The following HPSE2 variants were observed in gnomAD, a reference collection of about 807,000 sequenced individuals.
HPSE2 encodes the protein heparanase 2 (inactive).
Under a neutral mutation model 60.5 loss-of-function variants are expected in HPSE2, and 38 were observed. That is an observed-to-expected ratio of 0.63 (90% confidence interval 0.48 to 0.82). The LOEUF (loss-of-function observed/expected upper bound fraction) is 0.82, where lower values mean the gene tolerates loss of function less well. Ranked by LOEUF, HPSE2 falls within the 40% of genes least tolerant of loss-of-function variation. HPSE2 has a pLI of 0.00. For synonymous variants in HPSE2, 295 were observed against 293.2 expected, an observed-to-expected ratio of 1.01 and a Z score of -0.06; for missense variants, 713 against 740.4, an observed-to-expected ratio of 0.96 and a Z score of 0.43.
chr10:98,697,663 C>G (rs368792085), intron 5 of HPSE2, among the ~76,000 whole-genome samples: 2 of 152,084 alleles, frequency 1.3e-5, no homozygotes, highest in South Asian at 4.1e-4. Flanking sequence ...GAGAACCGCA[C>G]TAAGATAATC....
At chr10:99,268,942 G>C in the HPSE2 span, among the ~76,000 whole-genome samples, 1 of 151,944 alleles carries the variant, frequency 6.6e-6, no homozygotes, top group Admixed American at 6.6e-5. Flanking sequence ...GATCACCTGA[G>C]GTCAGGAGTT....
intron 3 of HPSE2, among the ~76,000 whole-genome samples, chr10:99,105,280 T>C (rs1304600991): frequency 2.0e-5 from 3 of 152,172 alleles, no homozygotes; most frequent in Non-Finnish European, 4.4e-5. Context: ...GAGATTCTAG[T>C]GGATGTGCAC....
At chr10:98,548,514 G>C (rs1943762467) in intron 9 of HPSE2, among the ~76,000 whole-genome samples, 1 of 152,066 alleles carries the variant, frequency 6.6e-6, no homozygotes, top group African/African-American at 2.4e-5. Context: ...CTACTTGGGA[G>C]GCTGAGGCAG....
intron 9 of HPSE2, among the ~76,000 whole-genome samples, chr10:98,570,522 C>T (rs1046223412): frequency 6.0e-5 from 9 of 150,862 alleles, no homozygotes; most frequent in Non-Finnish European, 1.0e-4. Flanking sequence ...TGCCTATATG[C>T]TAGGCACTGA....
chr10:98,601,217 T>A (rs1589486704), intron 9 of HPSE2, among the ~76,000 whole-genome samples: 2 of 152,152 alleles, frequency 1.3e-5, no homozygotes, highest in East Asian at 3.9e-4. Flanking sequence ...TGGAGGGTAA[T>A]CTGCTTTACT....
intron 3 of HPSE2, among the ~76,000 whole-genome samples, chr10:98,843,576 T>C (rs1035770042): frequency 2.0e-5 from 3 of 152,190 alleles, no homozygotes; most frequent in Non-Finnish European, 2.9e-5. Context: ...ATAAAGACTA[T>C]GGAAAAATAA....
intron 2 of HPSE2, among the ~76,000 whole-genome samples, chr10:99,204,889 G>A (rs916742301): frequency 3.3e-5 from 5 of 152,190 alleles, no homozygotes; most frequent in African/African-American, 1.2e-4. Flanking sequence ...AAATCTTTAT[G>A]AGTTAATATT....
At chr10:98,643,342 C>G (rs1490154757) in intron 6 of HPSE2, among the ~76,000 whole-genome samples, 1 of 152,102 alleles carries the variant, frequency 6.6e-6, no homozygotes, top group Non-Finnish European at 1.5e-5. Flanking sequence ...AGGGACTGAA[C>G]AACTTTTAGT....
At chr10:98,656,389 G>A (rs1947064110) in intron 6 of HPSE2, among the ~76,000 whole-genome samples, 1 of 152,098 alleles carries the variant, frequency 6.6e-6, no homozygotes, top group Admixed American at 6.6e-5. Context: ...CCAGCCTTGA[G>A]TTTGATTTTC....
chr10:98,580,304 T>C (rs1308283253), intron 9 of HPSE2, among the ~76,000 whole-genome samples: 1 of 152,122 alleles, frequency 6.6e-6, no homozygotes, highest in Non-Finnish European at 1.5e-5. Context: ...CCCAGGGGCA[T>C]ATTCAGTTAT....
At chr10:98,496,844 T>C (rs1941856450) in intron 9 of HPSE2, among the ~76,000 whole-genome samples, 1 of 152,182 alleles carries the variant, frequency 6.6e-6, no homozygotes. Context: ...TCTGTTCAAG[T>C]TTGTAGTTTG....
chr10:98,983,542 T>A (rs1345845481), intron 3 of HPSE2, among the ~76,000 whole-genome samples: 2 of 152,254 alleles, frequency 1.3e-5, no homozygotes, highest in African/African-American at 4.8e-5. Context: ...TCATTTGCGA[T>A]CTCAAGCAGT....
intron 9 of HPSE2, among the ~76,000 whole-genome samples, chr10:98,609,159 T>C (rs1434635395): frequency 6.6e-6 from 1 of 152,178 alleles, no homozygotes; most frequent in East Asian, 1.9e-4. Context: ...AAAGCCTTCC[T>C]TGATGCCCCA....
At chr10:98,727,125 A>T (rs1291008301) in intron 4 of HPSE2, among the ~76,000 whole-genome samples, 1 of 152,152 alleles carries the variant, frequency 6.6e-6, no homozygotes, top group African/African-American at 2.4e-5. Context: ...TAGCTACACG[A>T]CTCAAGGGAG....
intron 9 of HPSE2, among the ~76,000 whole-genome samples, chr10:98,545,971 C>G (rs1943658956): frequency 6.8e-6 from 1 of 146,612 alleles, no homozygotes; most frequent in Admixed American, 6.9e-5. Flanking sequence ...GATACAAAAT[C>G]AATGTGCAAA....
At chr10:98,978,934 A>G (rs1420759371) in intron 3 of HPSE2, among the ~76,000 whole-genome samples, 5 of 152,202 alleles carry the variant, frequency 3.3e-5, no homozygotes, top group South Asian at 2.1e-4. Context: ...CATGTTCCCA[A>G]CTGAGGTCAA....
rs993897217 is a variant in HPSE2 at position 98,711,351 on chromosome 10, G to A, written c.956+10306C>T. Reference sequence around the variant, plus strand: ...CTTTTTCTTTTGGAGCTCAAGCCCTGCTATAAACCTGACTGTAAGTGTGAA... The same window carrying A: ...CTTTTTCTTTTGGAGCTCAAGCCCTACTATAAACCTGACTGTAAGTGTGAA... On this transcript the variant is annotated intron_variant, in intron 5 of 11. Coordinates refer to ENST00000370552, the MANE Select transcript of HPSE2 (RefSeq NM_021828.5). Among the ~76,000 whole-genome samples the A allele has an allele frequency of 2.0e-5, 3 of 152,160 alleles. No individual in the cohort carries two copies. The East Asian group carries it at 5.8e-4, about 29-fold the overall frequency.
At chr10:98,834,165 CCT>C (rs1951742021) in intron 3 of HPSE2, among the ~76,000 whole-genome samples, 1 of 152,088 alleles carries the variant, frequency 6.6e-6, no homozygotes, top group Admixed American at 6.5e-5. Flanking sequence ...CTTATAGCTT[CCT>C]TACTATAAGG....
At chr10:99,149,148 A>G (rs1472681779) in intron 2 of HPSE2, among the ~76,000 whole-genome samples, 1 of 152,214 alleles carries the variant, frequency 6.6e-6, no homozygotes, top group Non-Finnish European at 1.5e-5. Flanking sequence ...GGAAATCTAA[A>G]AAGCCAAACA....
Sources: gnomAD v4.1 joint callset for allele counts (sites outside exome capture counted in the v4.1 genomes callset) on GRCh38, gnomAD v4.1.1 for gene constraint, MANE v1.5 for transcripts, NCBI Gene and HGNC (gene_info 2026-07-23, HGNC 2026-07-21) for gene names.